Variants in ADAM10 observed in about 807,000 individuals in gnomAD.
The protein encoded by ADAM10 is disintegrin and metalloproteinase domain-containing protein 10.
A neutral mutation model predicts 90.1 loss-of-function variants in ADAM10; 17 were observed. The observed-to-expected ratio is 0.19, with a 90% CI of 0.13 to 0.28. The LOEUF (loss-of-function observed/expected upper bound fraction) is 0.28, where lower values mean the gene tolerates loss of function less well. Among genes scored for constraint, ADAM10 ranks in the 10% least tolerant of loss-of-function variants. The probability of loss-of-function intolerance (pLI) is 1.00; values close to 1 mark genes in which losing one functional copy is unlikely to be tolerated. For synonymous variants in ADAM10, 310 were observed against 298.6 expected (o/e 1.04, Z -0.40); for missense variants, 610 against 914.3 (o/e 0.67, Z 4.29).
At chr15:58,641,102 C>T in intron 7 of ADAM10, 142 bp from the exon 8 acceptor site, 1 of 768,302 alleles carries the variant, frequency 1.3e-6, no homozygotes, top group Non-Finnish European at 2.2e-6. Flanking sequence ...AAGGTTGTTC[C>T]CACTGCCCAC....
Position 58,595,766 on chromosome 15 carries a change from C to T in ADAM10, c.*1781G>A. 6.6e-6 allele frequency: 1 copy of T among 152,120 alleles called. No individual in the cohort carries two copies. Among genetic ancestry groups the T allele is most frequent in the South Asian group, 2.1e-4 (1 of 4,836 alleles). The allele number at this position is 152,120 out of a possible 1,614,324, so 9.4% of individuals were successfully genotyped here. On this transcript the variant is annotated 3_prime_UTR_variant, in exon 16 of 16. Coordinates refer to ENST00000260408, the MANE Select transcript of ADAM10 (RefSeq NM_001110.4). Reference sequence around the variant, plus strand: ...ACCACACTCAAGAAGTTACTAAGAACTCTTGCAGAATAAAAGTCACCATTT... The same window carrying T: ...ACCACACTCAAGAAGTTACTAAGAATTCTTGCAGAATAAAAGTCACCATTT...
rs539425616 is a variant in ADAM10 at position 58,590,746 on chromosome 15, G to A, written c.*6801C>T. ...TACCCAAAGGGCAAGGGAAGAAAACGATAATAAAATATTCATTTAAAATAA... is the reference window on the plus strand; with the variant it reads ...TACCCAAAGGGCAAGGGAAGAAAACAATAATAAAATATTCATTTAAAATAA... On this transcript the variant is annotated 3_prime_UTR_variant, in exon 16 of 16. Coordinates refer to ENST00000260408, the MANE Select transcript of ADAM10 (RefSeq NM_001110.4). 12 of 152,252 alleles carry A rather than the reference G, an allele frequency of 7.9e-5. No homozygotes were observed. Among genetic ancestry groups the A allele is most frequent in the Admixed American group, 2.6e-4 (4 of 15,288 alleles). The allele number at this position is 152,252 out of a possible 1,614,324, so 9.4% of individuals were successfully genotyped here. A position where few individuals can be genotyped will look rare whatever the true frequency, so the allele number is the denominator to read the frequency against.
Position 58,749,542 on chromosome 15 carries a change from T to TGCCGCTGCC in ADAM10, c.-17_-9dup. 1 of 1,551,654 alleles carries TGCCGCTGCC rather than the reference T, an allele frequency of 6.4e-7. No homozygotes were observed. The highest frequency in any genetic ancestry group is 8.7e-7 in the Non-Finnish European group (1 of 1,147,114). ...CACTCTCAGCAACACCATCTTCCGC[T>TGCCGCTGCC]GCCGCTGCCGCCGCCGCCGCCTCCT... On this transcript the variant is annotated 5_prime_UTR_variant, in exon 1 of 16. Coordinates refer to ENST00000260408, the MANE Select transcript of ADAM10 (RefSeq NM_001110.4).
chr15:58,680,672 G>A (rs1372101706), intron 3 of ADAM10, among the ~76,000 whole-genome samples: 2 of 152,144 alleles, frequency 1.3e-5, no homozygotes, highest in Admixed American at 6.5e-5. Flanking sequence ...TTTAAACCTT[G>A]AATTTACCCA....
chr15:58,645,315 C>A (rs1054314475), intron 6 of ADAM10, among the ~76,000 whole-genome samples: 2 of 152,076 alleles, frequency 1.3e-5, no homozygotes, highest in African/African-American at 4.8e-5. Context: ...ATTATGTTTT[C>A]CTCACTAGCT....
At chr15:58,731,585 A>G (rs553113940) in intron 1 of ADAM10, among the ~76,000 whole-genome samples, 3 of 152,228 alleles carry the variant, frequency 2.0e-5, no homozygotes, top group African/African-American at 7.2e-5. Flanking sequence ...CCGTATTCAC[A>G]CCACTGCACT....
chr15:58,685,572 ATATATATATATG>A (rs1323503831), intron 2 of ADAM10, among the ~76,000 whole-genome samples: 2 of 131,612 alleles, frequency 1.5e-5, no homozygotes, highest in African/African-American at 5.3e-5. Context: ...ATATATATAT[ATATATATATATG>A]TATATATACA....
At chr15:58,731,754 T>C (rs1445428053) in intron 1 of ADAM10, among the ~76,000 whole-genome samples, 2 of 152,192 alleles carry the variant, frequency 1.3e-5, no homozygotes, top group East Asian at 1.9e-4. Context: ...AACATGCACC[T>C]TCCAAGCAGG....
In ADAM10 at chr15:58,643,742, G is replaced by T. The variant is rs549133145; in HGVS notation, c.828+144C>A. The T allele has an allele frequency of 8.8e-6, 6 of 685,668 alleles. No homozygotes were observed. The Admixed American group carries it at 1.2e-4, about 14-fold the overall frequency. 42.5% of individuals were successfully genotyped at this position (685,668 alleles called of 1,614,324 possible). ...GTGTGTGGGTGTGTAAATGCCAGGAGTAAAAAACTGCATCAACAGATACAA... is the reference window on the plus strand; with the variant it reads ...GTGTGTGGGTGTGTAAATGCCAGGATTAAAAAACTGCATCAACAGATACAA... On this transcript the variant is annotated intron_variant, in intron 7 of 15. Coordinates refer to ENST00000260408, the MANE Select transcript of ADAM10 (RefSeq NM_001110.4).
At chr15:58,697,825 C>A (rs1427022859) in intron 2 of ADAM10, among the ~76,000 whole-genome samples, 2 of 152,196 alleles carry the variant, frequency 1.3e-5, no homozygotes, top group Non-Finnish European at 2.9e-5. Context: ...GACAGGCCCA[C>A]TTGGTGAACC....
chr15:58,640,222 T>G lies in ADAM10; in HGVS notation c.1012+555A>C, dbSNP rs189993551. Among the ~76,000 whole-genome samples the G allele has an allele frequency of 6.4e-3, 970 of 152,110 alleles. 17 individuals are homozygous for G. The highest frequency in any genetic ancestry group is 0.022 in the African/African-American group (926 of 41,470). On this transcript the variant is annotated intron_variant, in intron 8 of 15. Transcript: ENST00000260408. ...AACCCAGGTGATGATGTCAATGGAG[T>G]TGTGGGTACCAGGGGCTTCCTGCCT...
rs76711136 is a variant in ADAM10 at position 58,616,247 on chromosome 15, C to T, written c.1512-4256G>A. Among the ~76,000 whole-genome samples, 1,434 of 152,294 alleles carry T rather than the reference C, an allele frequency of 9.4e-3. 34 individuals carry two copies. The highest frequency in any genetic ancestry group is 0.032 in the African/African-American group (1,345 of 41,534). On this transcript the variant is annotated intron_variant, in intron 11 of 15. Coordinates refer to ENST00000260408, the MANE Select transcript of ADAM10 (RefSeq NM_001110.4). ...AATCTAGACAGAAAATCAAGAAACA[C>T]TGGATTAGAACTATACTTTAGACCA...
intron 7 of ADAM10, among the ~76,000 whole-genome samples, chr15:58,642,698 A>C (rs1896449293): frequency 6.6e-6 from 1 of 152,180 alleles, no homozygotes; most frequent in Admixed American, 6.5e-5. Flanking sequence ...CGTCACTAAA[A>C]TGTGTTCAGG....
chr15:58,731,413 A>G (rs2414608), intron 1 of ADAM10, among the ~76,000 whole-genome samples: 21,816 of 151,956 alleles, frequency 0.14, 1,841 homozygotes, highest in South Asian at 0.33. Context: ...AAACCCAGGA[A>G]TTAGAGACCA....
chr15:58,671,460 G>A (rs1897188615), intron 4 of ADAM10, among the ~76,000 whole-genome samples: 1 of 152,158 alleles, frequency 6.6e-6, no homozygotes, highest in African/African-American at 2.4e-5. Flanking sequence ...ATAAATCTAT[G>A]AATTATGCTA....
At chr15:58,685,515 CCTT>C (rs1355827817) in intron 2 of ADAM10, among the ~76,000 whole-genome samples, 1 of 133,390 alleles carries the variant, frequency 7.5e-6, no homozygotes, top group Non-Finnish European at 1.6e-5. Context: ...TAGTACGTTA[CCTT>C]TTTTTAAAAA....
At chr15:58,617,745 G>C (rs1044491810) in intron 11 of ADAM10, among the ~76,000 whole-genome samples, 7 of 151,918 alleles carry the variant, frequency 4.6e-5, no homozygotes, top group Admixed American at 2.6e-4. Flanking sequence ...TAAAAAACCA[G>C]TTGTGTTTCT....
chr15:58,667,541 T>C (rs1489891879), intron 4 of ADAM10, among the ~76,000 whole-genome samples: 1 of 152,120 alleles, frequency 6.6e-6, no homozygotes, highest in Non-Finnish European at 1.5e-5. Flanking sequence ...CCTCCAATAA[T>C]ATGCCATGAA....
chr15:58,630,057 A>G (rs1896059861), intron 9 of ADAM10, among the ~76,000 whole-genome samples: 2 of 152,090 alleles, frequency 1.3e-5, no homozygotes, highest in South Asian at 4.1e-4. Flanking sequence ...TACAGGTGTG[A>G]GTCACCACAG....
Sources: gnomAD v4.1 joint callset for allele counts (sites outside exome capture counted in the v4.1 genomes callset) on GRCh38, gnomAD v4.1.1 for gene constraint, MANE v1.5 for transcripts, NCBI Gene and HGNC (gene_info 2026-07-23, HGNC 2026-07-21) for gene names.